The following MMGT1 variants were observed in gnomAD, a reference collection of about 807,000 sequenced individuals.
The protein encoded by MMGT1 is membrane magnesium transporter 1.
MMGT1 carries 2 observed loss-of-function variants against 11.7 expected under a neutral mutation model. The ratio of observed to expected loss-of-function variants is 0.17; its 90% CI spans 0.07 to 0.54. The LOEUF is 0.54. Ranked by LOEUF, MMGT1 falls within the 20% of genes least tolerant of loss-of-function variation. The pLI, the probability that MMGT1 is intolerant of heterozygous loss-of-function variation, is 0.94. For synonymous variants in MMGT1, 49 were observed against 44.4 expected, an observed-to-expected ratio of 1.10 and a Z score of -0.41; for missense variants, 74 against 109.0, an observed-to-expected ratio of 0.68 and a Z score of 1.43.
rs949453906 is a variant in MMGT1 at position 135,973,764 on chromosome X, A to C, written c.-89T>G. ...CCGGCGGGTGTCCGCGCGCCGCAGA[A>C]AGATGACGTCACTGAAGTCCTGAGC... On this transcript the variant is annotated 5_prime_UTR_variant, in exon 1 of 4. Coordinates refer to ENST00000305963, the MANE Select transcript of MMGT1 (RefSeq NM_173470.3). 2 of 1,163,527 alleles carry C rather than the reference A, an allele frequency of 1.7e-6. No homozygotes were observed. Among genetic ancestry groups the C allele is most frequent in the African/African-American group, 3.6e-5 (2 of 55,172 alleles).
intron 2 of MMGT1, among the ~76,000 whole-genome samples, chrX:135,970,779 G>T (rs1440720475): frequency 8.9e-6 from 1 of 111,901 alleles, no homozygotes; most frequent in African/African-American, 3.3e-5. Flanking sequence ...CATGGTGGTG[G>T]GCACCTGTAG....
intron 1 of MMGT1, among the ~76,000 whole-genome samples, chrX:135,971,485 G>A (rs1432857946): frequency 1.8e-5 from 2 of 111,609 alleles, no homozygotes; most frequent in African/African-American, 3.3e-5. Flanking sequence ...GCAAGTATGA[G>A]GCAGAAATAC....
At chrX:135,965,282 A>G (rs1488096048) in intron 3 of MMGT1, 99 bp from the exon 4 acceptor site, 52 of 612,434 alleles carry the variant, frequency 8.5e-5, no homozygotes, top group Non-Finnish European at 1.3e-4. Flanking sequence ...ACTATGGGTT[A>G]TATTTTTTAA....
intron 2 of MMGT1, among the ~76,000 whole-genome samples, chrX:135,968,542 CTT>C (rs1176157429): frequency 2.6e-5 from 1 of 38,153 alleles, no homozygotes; most frequent in East Asian, 8.6e-4. Context: ...TGTGTGTTTT[CTT>C]TTTTTGAGAT....
rs1603171529 is a variant in MMGT1, at chrX:135,963,817, C to T, written c.*1207G>A. The T allele has an allele frequency of 8.9e-6, 1 of 112,385 alleles. No homozygotes were observed. The highest frequency in any genetic ancestry group is 9.5e-5 in the Admixed American group (1 of 10,576). The allele number at this position is 112,385 out of a possible 1,213,427, so 9.3% of individuals were successfully genotyped here. ...CAAAAGCAATGTTTTTATACCTGTA[C>T]AATCCAAAAAAAGCAACGTTCTCTA... On this transcript the variant is annotated 3_prime_UTR_variant, in exon 4 of 4. Coordinates refer to ENST00000305963, the MANE Select transcript of MMGT1 (RefSeq NM_173470.3).
rs1183572885 is a variant in MMGT1, at chrX:135,963,448, T to A, written c.*1576A>T. The A allele has an allele frequency of 8.9e-6, 1 of 112,206 alleles. No individual in the cohort carries two copies. Among genetic ancestry groups the A allele is most frequent in the Admixed American group, 9.4e-5 (1 of 10,588 alleles). The allele number at this position is 112,206 out of a possible 1,213,427, so 9.2% of individuals were successfully genotyped here. A position where few individuals can be genotyped will look rare whatever the true frequency, so the allele number is the denominator to read the frequency against. ...AGCTTGTTTCTTGCATGCTATTTTA[T>A]CATCATCACTTTAACCCGATTTCAC... On this transcript the variant is annotated 3_prime_UTR_variant, in exon 4 of 4. Transcript: ENST00000305963.
rs1338938462 is a variant in MMGT1, at chrX:135,961,981, A to G, written c.*3043T>C. On this transcript the variant is annotated 3_prime_UTR_variant, in exon 4 of 4. Coordinates refer to ENST00000305963, the MANE Select transcript of MMGT1 (RefSeq NM_173470.3). ...TCACAGTAGAAAAATACAGTCATAA[A>G]ATTAGCTCTTACATTTTTCTGGGGA... 2 of 111,109 alleles carry G rather than the reference A, an allele frequency of 1.8e-5. No homozygotes were observed. The highest frequency in any genetic ancestry group is 6.5e-5 in the African/African-American group (2 of 30,559). The allele number at this position is 111,109 out of a possible 1,213,427, so 9.2% of individuals were successfully genotyped here.
chrX:135,968,499 TTGTG>T (rs61012323), intron 2 of MMGT1, among the ~76,000 whole-genome samples: 1,893 of 85,012 alleles, frequency 0.022, 46 homozygotes, highest in African/African-American at 0.075. Context: ...CATTATGTCA[TTGTG>T]TGTGTGTGTG....
In MMGT1 at chrX:135,963,495, T is replaced by C. The variant is rs782441198; in HGVS notation, c.*1529A>G. 2 of 112,080 alleles carry C rather than the reference T, an allele frequency of 1.8e-5. No homozygotes were observed. The highest frequency in any genetic ancestry group is 3.8e-5 in the Non-Finnish European group (2 of 53,229). 9.2% of individuals were successfully genotyped at this position (112,080 alleles called of 1,213,427 possible). ...TCACATTTTTAATTCATTTCTAAAT[T>C]ATTTTAGGTTATCGGCAGATTTCTA... is the stretch of plus-strand genomic sequence containing the variant. On this transcript the variant is annotated 3_prime_UTR_variant, in exon 4 of 4. Coordinates refer to ENST00000305963, the MANE Select transcript of MMGT1 (RefSeq NM_173470.3).
chrX:135,967,295 C>T, intron 3 of MMGT1, 95 bp downstream of exon 3: 1 of 573,565 alleles, frequency 1.7e-6, no homozygotes, highest in Non-Finnish European at 2.9e-6. Context: ...AGAAACAAAA[C>T]CAACTTTTAT....
chrX:135,962,230 G>T lies in MMGT1; in HGVS notation c.*2794C>A, dbSNP rs993461104. 3 of 111,494 alleles carry T rather than the reference G, an allele frequency of 2.7e-5. No individual in the cohort carries two copies. Among genetic ancestry groups the T allele is most frequent in the African/African-American group, 9.8e-5 (3 of 30,648 alleles). The allele number at this position is 111,494 out of a possible 1,213,427, so 9.2% of individuals were successfully genotyped here. On this transcript the variant is annotated 3_prime_UTR_variant, in exon 4 of 4. Coordinates refer to ENST00000305963, the MANE Select transcript of MMGT1 (RefSeq NM_173470.3). ...ATGTAAACAGGCCACATACAACCAG[G>T]AAGATGCTGTCAAGCCACTGAGAAG... is the stretch of plus-strand genomic sequence containing the variant.
rs1346819507 is a variant in MMGT1 at position 135,973,957 on chromosome X, G to T, written c.-282C>A. On this transcript the variant is annotated 5_prime_UTR_variant, in exon 1 of 4. Transcript: ENST00000305963. The stretch of plus-strand genomic sequence containing the variant: ...AGCCCAACGGAGTCATAAACGAAGA[G>T]GCGAAAGCGGGAGCTACGGGGAAGC... The T allele has an allele frequency of 5.5e-6, 6 of 1,082,129 alleles. No homozygotes were observed. The highest frequency in any genetic ancestry group is 7.3e-6 in the Non-Finnish European group (6 of 820,814). The allele number at this position is 1,082,129 out of a possible 1,213,427, so 89.2% of individuals were successfully genotyped here.
Position 135,967,452 on chromosome X carries a change from G to A in MMGT1, c.174C>T (p.Tyr58=), listed in dbSNP as rs367822678. The A allele has an allele frequency of 4.9e-5, 59 of 1,194,045 alleles. No individual in the cohort carries two copies. Among genetic ancestry groups the A allele is most frequent in the South Asian group, 4.9e-4 (27 of 54,793 alleles). ...QTLLAFAVTC[Y]GIVHIAGEFK... ...ACTCTCCTGCAATATGAACTATACC[G>A]TAACAGGTAACTGCAAAGGCCAGAA... Residue 58 remains tyrosine (Y), a synonymous_variant, in exon 3 of 4, where the codon TAC becomes TAT. Coordinates refer to ENST00000305963, the MANE Select transcript of MMGT1 (RefSeq NM_173470.3).
intron 1 of MMGT1, 34 bp from the exon 2 acceptor site, chrX:135,971,144 T>C (rs1556612564): frequency 9.8e-7 from 1 of 1,017,353 alleles, no homozygotes; most frequent in African/African-American, 1.9e-5. Context: ...AAGGAAACTG[T>C]AGTTCATTTT....
At chrX:135,967,823 ATTGT>A (rs1454213683) in intron 2 of MMGT1, among the ~76,000 whole-genome samples, 1 of 110,777 alleles carries the variant, frequency 9.0e-6, no homozygotes, top group African/African-American at 3.3e-5. Context: ...TTAAGGTATT[ATTGT>A]TTTTGTTTTT....
Position 135,973,863 on chromosome X carries a change from A to G in MMGT1, c.-188T>C. The G allele has an allele frequency of 1.7e-6, 2 of 1,158,510 alleles. No individual in the cohort carries two copies. Among genetic ancestry groups the G allele is most frequent in the Non-Finnish European group, 2.3e-6 (2 of 869,480 alleles). The stretch of plus-strand genomic sequence containing the variant: ...AACAGGAATGCCGGGAAGAAGCAGA[A>G]AGCTACACGGAAAAAGGTCCGCGAG... On this transcript the variant is annotated 5_prime_UTR_variant, in exon 1 of 4. Transcript: ENST00000305963.
At position 135,971,429 on chromosome X, in the gene MMGT1, A is replaced by G. The variant is rs781892913; in HGVS notation, c.80-319T>C. On this transcript the variant is annotated intron_variant, in intron 1 of 3. Transcript: ENST00000305963. ...CTTAGTCAACTATTTTATTTTCATC[A>G]TGACCTGCTTTGTCACCTTATAAAA... Among the ~76,000 whole-genome samples, 15 of 112,720 alleles carry G rather than the reference A, an allele frequency of 1.3e-4. 1 individual carries two copies. The South Asian group carries it at 5.1e-3, about 38-fold the overall frequency.
chrX:135,971,213 C>T (rs1434680213), intron 1 of MMGT1, 103 bp from the exon 2 acceptor site: 2 of 530,579 alleles, frequency 3.8e-6, no homozygotes, highest in African/African-American at 4.6e-5. Context: ...ATGTGCAGCA[C>T]ACCAGCATGG....
Position 135,965,114 on chromosome X carries a change from C to T in MMGT1, c.306G>A (p.Arg102=). The T allele has an allele frequency of 8.3e-7, 1 of 1,206,470 alleles. No individual in the cohort carries two copies. Among genetic ancestry groups the T allele is most frequent in the Non-Finnish European group, 1.1e-6 (1 of 891,178 alleles). Residue 102 remains arginine, a synonymous_variant, in exon 4 of 4, where the codon CGG becomes CGA. Transcript: ENST00000305963. The part of the protein sequence containing the change: ...VFNHRGRVLF[R]PSDTANSSNQ... ...TTGAAGAATTTGCTGTATCCGAAGGCCGGAAAAGTACTCGACCACGATGAT... is the reference window on the plus strand; with the variant it reads ...TTGAAGAATTTGCTGTATCCGAAGGTCGGAAAAGTACTCGACCACGATGAT...
Sources: gnomAD v4.1 joint callset for allele counts (sites outside exome capture counted in the v4.1 genomes callset) on GRCh38, gnomAD v4.1.1 for gene constraint, MANE v1.5 for transcripts, NCBI Gene and HGNC (gene_info 2026-07-23, HGNC 2026-07-21) for gene names.